The following SHOC1 variants were observed in gnomAD, a reference collection of about 807,000 sequenced individuals.
The protein encoded by SHOC1 is shortage in chiasmata 1.
SHOC1 carries 136 observed loss-of-function variants against 179.2 expected under a neutral mutation model. The ratio of observed to expected loss-of-function variants is 0.76; its 90% confidence interval spans 0.66 to 0.87. The LOEUF is 0.87. Among genes scored for constraint, SHOC1 ranks in the 40% least tolerant of loss-of-function variants. The pLI is 0.00. For missense variants in SHOC1, 1,538 were observed against 1,700.8 expected, an observed-to-expected ratio of 0.90 and a Z score of 1.68; for synonymous variants, 489 against 586.6, an observed-to-expected ratio of 0.83 and a Z score of 2.41.
chr9:111,746,191 G>A (rs1431608145), intron 10 of SHOC1, 43 bp downstream of exon 10: 1 of 1,299,288 alleles, frequency 7.7e-7, no homozygotes, highest in African/African-American at 1.5e-5. Flanking sequence ...AAGACTGCTT[G>A]TTCTGAATTG....
At chr9:111,779,286 A>AT (rs1188155823) in intron 4 of SHOC1, among the ~76,000 whole-genome samples, 11 of 152,126 alleles carry the variant, frequency 7.2e-5, no homozygotes, top group Non-Finnish European at 1.0e-4. Flanking sequence ...GTAGATTCTG[A>AT]TTCAGTTAGT....
chr9:111,751,931 T>C (rs1428251374), intron 8 of SHOC1, among the ~76,000 whole-genome samples: 1 of 152,230 alleles, frequency 6.6e-6, no homozygotes, highest in African/African-American at 2.4e-5. Context: ...AATGGAGTTT[T>C]ACTTCTAGCA....
At chr9:111,694,459 C>T (rs1831599643) in intron 24 of SHOC1, 97 bp from the exon 25 acceptor site, 2 of 823,678 alleles carry the variant, frequency 2.4e-6, no homozygotes, top group Non-Finnish European at 3.7e-6. Context: ...AATTAAACAA[C>T]AGCAGATTCT....
chr9:111,773,107 C>G (rs1041998699), intron 5 of SHOC1, among the ~76,000 whole-genome samples: 1 of 152,066 alleles, frequency 6.6e-6, no homozygotes, highest in African/African-American at 2.4e-5. Context: ...GTCTCATCCT[C>G]ATATTTGAGA....
Position 111,758,751 on chromosome 9 carries a change from T to C in SHOC1, c.540A>G (p.Val180=), listed in dbSNP as rs764847574. 3.1e-6 allele frequency: 5 copies of C among 1,600,152 alleles called. No individual in the cohort carries two copies. In the East Asian group the frequency reaches 1.1e-4, roughly 36 times the overall value. ...TLLSRLKLFL[V]KDPLLDFKGQ... ...CTTTGAAATCTAAAAGAGGATCCTT[T>C]ACCAAAAACAGTTTTAGTCTACTCA... The change falls in exon 6 of 28, where the codon GTA becomes GTG. Residue 180 remains valine, a synonymous_variant. Coordinates refer to ENST00000682961, the MANE Select transcript of SHOC1 (RefSeq NM_001378211.1).
chr9:111,749,712 G>A (rs1041981291), intron 8 of SHOC1, among the ~76,000 whole-genome samples: 106 of 151,914 alleles, frequency 7.0e-4, no homozygotes, highest in African/African-American at 2.3e-3. Context: ...GTGTTGTTCC[G>A]TCCACCATGT....
Position 111,758,849 on chromosome 9 carries a change from C to A in SHOC1, c.443-1G>T. ...ATTCCTTTATCATCAATAAATAAAT[C>A]TGAAAAGAAATAAGAAATATAAAGG... On this transcript the variant is annotated splice_acceptor_variant, in intron 5 of 27. Coordinates refer to ENST00000682961, the MANE Select transcript of SHOC1 (RefSeq NM_001378211.1). LOFTEE classifies it high-confidence loss of function. 4 of 1,444,032 alleles carry A rather than the reference C, an allele frequency of 2.8e-6. No homozygotes were observed. Among genetic ancestry groups the A allele is most frequent in the Non-Finnish European group, 3.8e-6 (4 of 1,064,328 alleles). The allele number at this position is 1,444,032 out of a possible 1,614,324, so 89.5% of individuals were successfully genotyped here.
At chr9:111,767,371 G>A (rs1835396844) in intron 5 of SHOC1, among the ~76,000 whole-genome samples, 2 of 152,074 alleles carry the variant, frequency 1.3e-5, no homozygotes. Context: ...TTTTGTGCAT[G>A]GTGAGAGATA....
intron 5 of SHOC1, among the ~76,000 whole-genome samples, chr9:111,773,328 T>C (rs1015549985): frequency 5.9e-5 from 9 of 152,222 alleles, no homozygotes; most frequent in South Asian, 2.1e-4. Context: ...TTATTATTTT[T>C]TGAGATGGAG....
intron 14 of SHOC1, 141 bp downstream of exon 14, chr9:111,723,651 A>G: frequency 1.2e-6 from 1 of 850,408 alleles, no homozygotes. Flanking sequence ...TTGGGATATA[A>G]CTTGAAAGTA....
At chr9:111,702,061 T>C in intron 23 of SHOC1, 44 bp downstream of exon 23, 2 of 1,373,832 alleles carry the variant, frequency 1.5e-6, no homozygotes, top group African/African-American at 3.0e-5. Flanking sequence ...GACTTAGGAT[T>C]AAGAAATACG....
Position 111,693,936 on chromosome 9 carries a change from A to G in SHOC1, c.3328T>C (p.Leu1110=), listed in dbSNP as rs1414755566. The G allele has an allele frequency of 6.2e-7, 1 of 1,608,104 alleles. No homozygotes were observed. Among genetic ancestry groups the G allele is most frequent in the Non-Finnish European group, 8.5e-7 (1 of 1,177,002 alleles). ...GGGTTAATACATGGAAAATCAAGTA[A>G]GTACATTTCTTCCTAGAAAAGAGTT... ...KVSPSEEEMY[L]LDFPCINPLV... is the part of the protein sequence containing the mutation. Residue 1110 remains leucine, a synonymous_variant, in exon 26 of 28, where the codon TTA becomes CTA. Coordinates refer to ENST00000682961, the MANE Select transcript of SHOC1 (RefSeq NM_001378211.1).
intron 8 of SHOC1, among the ~76,000 whole-genome samples, chr9:111,752,692 A>G (rs1834649512): frequency 6.6e-6 from 1 of 152,248 alleles, no homozygotes; most frequent in South Asian, 2.1e-4. Context: ...ACTATGCTAA[A>G]AGATGTAAAG....
At chr9:111,747,385 T>C (rs1834337520) in intron 9 of SHOC1, among the ~76,000 whole-genome samples, 1 of 152,144 alleles carries the variant, frequency 6.6e-6, no homozygotes. Flanking sequence ...TAGAGAACGA[T>C]AACATTGCTT....
chr9:111,705,605 A>C (rs538573931), intron 20 of SHOC1, among the ~76,000 whole-genome samples: 8 of 152,096 alleles, frequency 5.3e-5, no homozygotes, highest in Admixed American at 5.2e-4. Flanking sequence ...AGTTTTGCAT[A>C]TATTTCCAGA....
Position 111,703,908 on chromosome 9 carries a change from AATTGTC to A in SHOC1, c.2934_2939del (p.Thr979_Ile980del). On this transcript the variant is annotated inframe_deletion, in exon 22 of 28. Transcript: ENST00000682961. ...GCAAAATTATGGCAGTGTGTTCATC[AATTGTC>A]ACCACTACATAACACTCTGAACTTC... The A allele has an allele frequency of 6.2e-7, 1 of 1,605,382 alleles. No individual in the cohort carries two copies. The highest frequency in any genetic ancestry group is 1.7e-4 in the Middle Eastern group (1 of 6,044).
At chr9:111,702,446 C>T (rs994351592) in intron 22 of SHOC1, among the ~76,000 whole-genome samples, 13 of 152,162 alleles carry the variant, frequency 8.5e-5, no homozygotes, top group Non-Finnish European at 1.9e-4. Flanking sequence ...AAGGAAGGCT[C>T]CTGAATCTCC....
At chr9:111,719,872 C>A (rs1358227688) in intron 15 of SHOC1, among the ~76,000 whole-genome samples, 1 of 151,984 alleles carries the variant, frequency 6.6e-6, no homozygotes, top group African/African-American at 2.4e-5. Context: ...AGAGAGTTAA[C>A]CTTTAAAAAA....
chr9:111,746,997 T>A (rs10981046), intron 9 of SHOC1, among the ~76,000 whole-genome samples: 29 of 152,272 alleles, frequency 1.9e-4, no homozygotes, highest in African/African-American at 6.5e-4. Flanking sequence ...GAATTATTTT[T>A]ATTTCCAAAG....
Sources: allele counts gnomAD v4.1 joint callset (sites outside exome capture counted in the v4.1 genomes callset), GRCh38; gene constraint gnomAD v4.1.1; transcripts MANE v1.5; gene names NCBI Gene and HGNC (gene_info 2026-07-23, HGNC 2026-07-21).